The following GABRB3 variants were observed in gnomAD, a reference collection of about 807,000 sequenced individuals.
GABRB3 encodes gamma-aminobutyric acid receptor subunit beta-3.
In GABRB3, 14 loss-of-function variants were observed where a neutral mutation model predicts 52.1. The observed-to-expected ratio is 0.27, with a 90% CI of 0.18 to 0.42. The LOEUF (loss-of-function observed/expected upper bound fraction) is 0.42, where lower values mean the gene tolerates loss of function less well. Among genes scored for constraint, GABRB3 ranks in the 10% least tolerant of loss-of-function variants. The probability of loss-of-function intolerance (pLI) is 1.00; values close to 1 mark genes in which losing one functional copy is unlikely to be tolerated. For synonymous variants in GABRB3, 260 were observed against 232.3 expected (o/e 1.12, Z -1.08); for missense variants, 307 against 609.1 (o/e 0.50, Z 5.22).
chr15:26,666,864 C>T (rs117135837), intron 3 of GABRB3, among the ~76,000 whole-genome samples: 3 of 152,268 alleles, frequency 2.0e-5, no homozygotes, highest in South Asian at 2.1e-4. Flanking sequence ...GCCCAGGAAG[C>T]GTTGAGCAAG....
At chr15:26,628,032 T>C in intron 3 of GABRB3, among the ~76,000 whole-genome samples, 1 of 152,198 alleles carries the variant, frequency 6.6e-6, no homozygotes, top group East Asian at 1.9e-4. Flanking sequence ...GGCAAGACCC[T>C]CCACCAGCAA....
At chr15:26,723,393 C>T (rs1889692357) in intron 3 of GABRB3, among the ~76,000 whole-genome samples, 1 of 152,176 alleles carries the variant, frequency 6.6e-6, no homozygotes, top group South Asian at 2.1e-4. Context: ...AATATAACCC[C>T]TCCCTACCTA....
At chr15:26,582,831 A>G (rs1362238485) in intron 5 of GABRB3, among the ~76,000 whole-genome samples, 1 of 152,230 alleles carries the variant, frequency 6.6e-6, no homozygotes, top group African/African-American at 2.4e-5. Context: ...CAGGAGGGAC[A>G]TTGTTAGATG....
intron 3 of GABRB3, among the ~76,000 whole-genome samples, chr15:26,731,077 T>G (rs1407727119): frequency 6.6e-6 from 1 of 152,186 alleles, no homozygotes; most frequent in East Asian, 1.9e-4. Flanking sequence ...TCGCTCTCTC[T>G]CTCTCTCTCT....
rs78520255 is a variant in GABRB3 at position 26,707,159 on chromosome 15, A to G, written c.240+65243T>C. On this transcript the variant is annotated intron_variant, in intron 3 of 8. Coordinates refer to ENST00000311550, the MANE Select transcript of GABRB3 (RefSeq NM_000814.6). ...AAGAGAGAAAGTATCTTTGGAGGCT[A>G]GAAAGGCTTCACGGAGAAGGAAGAA... 2.2e-4 allele frequency among the ~76,000 whole-genome samples: 34 copies of G among 152,372 alleles called. 1 individual carries two copies. The East Asian group carries it at 3.3e-3, about 15-fold the overall frequency.
chr15:26,678,594 G>A (rs1403292807), intron 3 of GABRB3, among the ~76,000 whole-genome samples: 1 of 152,120 alleles, frequency 6.6e-6, no homozygotes, highest in Non-Finnish European at 1.5e-5. Flanking sequence ...AAGAGAGGGG[G>A]AGAGAGATAC....
chr15:26,566,466 A>G (rs897806666), intron 7 of GABRB3, among the ~76,000 whole-genome samples: 3 of 152,150 alleles, frequency 2.0e-5, no homozygotes, highest in Non-Finnish European at 2.9e-5. Flanking sequence ...TGGCTCACGC[A>G]TATACTCCTA....
intron 3 of GABRB3, among the ~76,000 whole-genome samples, chr15:26,753,742 T>C (rs1183105921): frequency 6.6e-6 from 1 of 152,224 alleles, no homozygotes; most frequent in African/African-American, 2.4e-5. Context: ...AAGGAGACAG[T>C]GAATGTGGGT....
At chr15:26,591,145 C>T (rs1000410483) in intron 4 of GABRB3, among the ~76,000 whole-genome samples, 1 of 152,158 alleles carries the variant, frequency 6.6e-6, no homozygotes, top group African/African-American at 2.4e-5. Context: ...AGCAGAGATG[C>T]TCATTAACAA....
intron 4 of GABRB3, among the ~76,000 whole-genome samples, chr15:26,619,483 A>T (rs918543511): frequency 7.4e-6 from 1 of 135,228 alleles, no homozygotes; most frequent in African/African-American, 2.8e-5. Context: ...ACACATGGAC[A>T]CAGGAAGGGG....
chr15:26,588,243 C>T (rs959123675), intron 4 of GABRB3, among the ~76,000 whole-genome samples: 3 of 152,148 alleles, frequency 2.0e-5, no homozygotes, highest in East Asian at 1.9e-4. Flanking sequence ...AACTGGACAA[C>T]GTTACAGGGA....
chr15:26,621,282 C>T lies in GABRB3; in HGVS notation c.461+32G>A. The T allele has an allele frequency of 6.4e-7, 1 of 1,565,528 alleles. No individual in the cohort carries two copies. Among genetic ancestry groups the T allele is most frequent in the South Asian group, 1.1e-5 (1 of 90,086 alleles). On this transcript the variant is annotated intron_variant, in intron 4 of 8. Coordinates refer to ENST00000311550, the MANE Select transcript of GABRB3 (RefSeq NM_000814.6). The surrounding 1 kb of genome is among the most constrained non-coding windows in gnomAD (Gnocchi z 4.1). Reference sequence around the variant, plus strand: ...TATTCAACACCCATGCACCATGCAACAGCAAAATTGGTCCTGAAGAGGCAC... The same window carrying T: ...TATTCAACACCCATGCACCATGCAATAGCAAAATTGGTCCTGAAGAGGCAC...
chr15:26,708,756 C>T (rs889204762), intron 3 of GABRB3, among the ~76,000 whole-genome samples: 1 of 152,176 alleles, frequency 6.6e-6, no homozygotes, highest in African/African-American at 2.4e-5. Flanking sequence ...CCAAGGCTAT[C>T]AGAGTTTCAA....
rs1303100864 is a variant in GABRB3 at position 26,737,762 on chromosome 15, G to A, written c.240+34640C>T. On this transcript the variant is annotated intron_variant, in intron 3 of 8. Transcript: ENST00000311550. ...CAGTTCTTATATATACACACACTAG[G>A]GGATCATTCTGTTCATACACTTTCA... Among the ~76,000 whole-genome samples, 3 of 151,984 alleles carry A rather than the reference G, an allele frequency of 2.0e-5. No individual in the cohort carries two copies. In the East Asian group the frequency reaches 5.8e-4, roughly 29 times the overall value.
At chr15:26,573,929 T>C (rs1450859561) in intron 6 of GABRB3, among the ~76,000 whole-genome samples, 1 of 152,150 alleles carries the variant, frequency 6.6e-6, no homozygotes, top group African/African-American at 2.4e-5. Context: ...CACACGCCTA[T>C]AGTCCTAGGT....
chr15:26,642,584 A>C, intron 3 of GABRB3: 2 of 1,039,194 alleles, frequency 1.9e-6, no homozygotes, highest in African/African-American at 1.6e-5. Context: ...TCATGCTAAA[A>C]ATAGTCTAAG....
rs8038993 is a variant in GABRB3, at chr15:26,745,093, C to T, written c.240+27309G>A. 9.6e-3 allele frequency among the ~76,000 whole-genome samples: 1,455 copies of T among 152,064 alleles called. 32 individuals are homozygous for T. The highest frequency in any genetic ancestry group is 0.033 in the African/African-American group (1,388 of 41,466). On this transcript the variant is annotated intron_variant, in intron 3 of 8. Transcript: ENST00000311550. ...GTGATTGGCAGGGGGAGGTGCCACACGCTTCATGTAAACAACCAGATCTCG... is the reference window on the plus strand; with the variant it reads ...GTGATTGGCAGGGGGAGGTGCCACATGCTTCATGTAAACAACCAGATCTCG...
At chr15:26,708,681 C>T (rs2140127079) in intron 3 of GABRB3, among the ~76,000 whole-genome samples, 1 of 152,308 alleles carries the variant, frequency 6.6e-6, no homozygotes, top group East Asian at 1.9e-4. Flanking sequence ...GTGCAAAAGA[C>T]CTGAAGTGGA....
At chr15:26,582,233 G>A (rs2140734987) in intron 5 of GABRB3, among the ~76,000 whole-genome samples, 1 of 152,248 alleles carries the variant, frequency 6.6e-6, no homozygotes, top group South Asian at 2.1e-4. Flanking sequence ...TCTCTCTCAG[G>A]AGTCATGCAC....
Sources: allele counts gnomAD v4.1 joint callset (sites outside exome capture counted in the v4.1 genomes callset), GRCh38; gene constraint gnomAD v4.1.1; non-coding constraint Gnocchi (gnomAD v3.1); transcripts MANE v1.5; gene names NCBI Gene and HGNC (gene_info 2026-07-23, HGNC 2026-07-21).